Variants in NR2C2 observed in about 807,000 individuals in gnomAD.
NR2C2 encodes nuclear receptor subfamily 2 group C member 2.
A neutral mutation model predicts 62.9 loss-of-function variants in NR2C2; 6 were observed. The observed-to-expected ratio is 0.10, with a 90% CI of 0.05 to 0.19. NR2C2 has a LOEUF of 0.19. NR2C2 is among the 10% of genes least tolerant of loss of function. The pLI is 1.00. For synonymous variants in NR2C2, 272 were observed against 273.8 expected, an observed-to-expected ratio of 0.99 and a Z score of 0.07; for missense variants, 479 against 762.7, an observed-to-expected ratio of 0.63 and a Z score of 4.38.
rs575320807 is a variant in NR2C2, at chr3:15,045,683, A to C, written c.*2675A>C. On this transcript the variant is annotated 3_prime_UTR_variant, in exon 14 of 14. Transcript: ENST00000425241. ...GGTTAAGTAAAGTCAGCCCAAAGTC[A>C]AGAATTACTTAAAGAGATGCAAACC... is the stretch of plus-strand genomic sequence containing the variant. 8.5e-5 allele frequency: 13 copies of C among 152,810 alleles called. No homozygotes were observed. Among genetic ancestry groups the C allele is most frequent in the African/African-American group, 3.1e-4 (13 of 41,598 alleles). The allele number at this position is 152,810 out of a possible 1,614,324, so 9.5% of individuals were successfully genotyped here.
intron 1 of NR2C2, among the ~76,000 whole-genome samples, chr3:14,984,544 TAAAGA>T (rs146683307): frequency 6.6e-6 from 1 of 152,122 alleles, no homozygotes; most frequent in Non-Finnish European, 1.5e-5. Context: ...AATTTTCTAT[TAAAGA>T]AATCATGTGT....
chr3:14,998,634 T>A (rs1559554322), intron 1 of NR2C2, among the ~76,000 whole-genome samples: 1 of 152,254 alleles, frequency 6.6e-6, no homozygotes, highest in Non-Finnish European at 1.5e-5. Flanking sequence ...TAAGTTGTAA[T>A]GATATATGAT....
Position 15,024,217 on chromosome 3 carries a change from C to T in NR2C2, c.798+9C>T. The T allele has an allele frequency of 1.3e-6, 2 of 1,579,122 alleles. No homozygotes were observed. Among genetic ancestry groups the T allele is most frequent in the Admixed American group, 1.7e-5 (1 of 57,456 alleles). On this transcript the variant is annotated intron_variant, in intron 7 of 13. Coordinates refer to ENST00000425241, the MANE Select transcript of NR2C2 (RefSeq NM_001291694.2). ...TGGCCACGGATTCTAAGGTGACGTT[C>T]TCTACTCATGCTCTCTCTCATCCTT...
Position 15,031,819 on chromosome 3 carries a change from C to T in NR2C2, c.1111-560C>T, listed in dbSNP as rs184121187. ...TCTTGGTTCACCACAACCTCCACCT[C>T]CTGGGTTCAAGCAATTCTCCTGCCT... On this transcript the variant is annotated intron_variant, in intron 9 of 13. Coordinates refer to ENST00000425241, the MANE Select transcript of NR2C2 (RefSeq NM_001291694.2). Among the ~76,000 whole-genome samples, 672 of 152,132 alleles carry T rather than the reference C, an allele frequency of 4.4e-3. 1 individual carries two copies. Among genetic ancestry groups the T allele is most frequent in the African/African-American group, 0.015 (643 of 41,496 alleles).
chr3:15,039,918 A>C (rs888097827), intron 13 of NR2C2, among the ~76,000 whole-genome samples: 2 of 152,160 alleles, frequency 1.3e-5, no homozygotes, highest in African/African-American at 4.8e-5. Flanking sequence ...TGGGAGGCTG[A>C]GGCGGGTGGA....
chr3:14,986,112 G>A lies in NR2C2; in HGVS notation c.-39-17764G>A, dbSNP rs1226051284. Among the ~76,000 whole-genome samples, 5 of 151,924 alleles carry A rather than the reference G, an allele frequency of 3.3e-5. No homozygotes were observed. The South Asian group carries it at 6.2e-4, about 19-fold the overall frequency. Reference sequence around the variant, plus strand: ...AGACTCAGTGCCCCCTTTTTAAACAGTATTTTTTTAAAGACCCTTTTACTG... The same window carrying A: ...AGACTCAGTGCCCCCTTTTTAAACAATATTTTTTTAAAGACCCTTTTACTG... On this transcript the variant is annotated intron_variant, in intron 1 of 13. Coordinates refer to ENST00000425241, the MANE Select transcript of NR2C2 (RefSeq NM_001291694.2).
chr3:14,999,122 G>C (rs2040914144), intron 1 of NR2C2, among the ~76,000 whole-genome samples: 2 of 152,210 alleles, frequency 1.3e-5, no homozygotes, highest in Admixed American at 1.3e-4. Flanking sequence ...TTGGAGACCA[G>C]CCTGACCAAC....
intron 1 of NR2C2, among the ~76,000 whole-genome samples, chr3:14,994,889 T>G (rs1178706399): frequency 6.7e-6 from 1 of 149,534 alleles, no homozygotes; most frequent in East Asian, 2.1e-4. Context: ...CACTTCAGCC[T>G]GGGTGACAGA....
intron 1 of NR2C2, among the ~76,000 whole-genome samples, chr3:14,971,563 G>C (rs921526416): frequency 2.0e-5 from 3 of 151,622 alleles, no homozygotes; most frequent in African/African-American, 7.3e-5. Flanking sequence ...CTGCTATATT[G>C]TTTTCCACAG....
At chr3:15,002,367 A>G (rs1043890810) in intron 1 of NR2C2, among the ~76,000 whole-genome samples, 5 of 152,096 alleles carry the variant, frequency 3.3e-5, no homozygotes, top group Admixed American at 6.5e-5. Context: ...CTTTAATGCA[A>G]TGTATAGAAC....
At chr3:14,996,993 C>T (rs890010974) in intron 1 of NR2C2, among the ~76,000 whole-genome samples, 1 of 152,176 alleles carries the variant, frequency 6.6e-6, no homozygotes, top group Non-Finnish European at 1.5e-5. Flanking sequence ...AGGACCTGAG[C>T]CAAAATTTGG....
chr3:14,961,872 A>T (rs1295258167), intron 1 of NR2C2, among the ~76,000 whole-genome samples: 1 of 152,240 alleles, frequency 6.6e-6, no homozygotes, highest in African/African-American at 2.4e-5. Flanking sequence ...TTAGTAATGC[A>T]GTCTCTTCGC....
intron 5 of NR2C2, among the ~76,000 whole-genome samples, chr3:15,021,375 A>C (rs1302960794): frequency 6.6e-6 from 1 of 152,128 alleles, no homozygotes; most frequent in African/African-American, 2.4e-5. Context: ...TAGCCCCTCT[A>C]CTTTCTTTTG....
intron 2 of NR2C2, among the ~76,000 whole-genome samples, chr3:15,005,397 A>G (rs986757692): frequency 2.1e-5 from 3 of 140,352 alleles, no homozygotes; most frequent in Non-Finnish European, 4.6e-5. Flanking sequence ...TTTTTTTATA[A>G]ATAGGGATGG....
intron 7 of NR2C2, 76 bp downstream of exon 7, chr3:15,024,284 C>G (rs528516137): frequency 1.0e-6 from 1 of 976,770 alleles, no homozygotes; most frequent in African/African-American, 1.7e-5. Context: ...GTGTGCACCA[C>G]TTTCTTCCTG....
chr3:15,028,988 C>T (rs1395434523), intron 8 of NR2C2, among the ~76,000 whole-genome samples: 1 of 152,132 alleles, frequency 6.6e-6, no homozygotes, highest in Non-Finnish European at 1.5e-5. Context: ...AGGAGGAAAA[C>T]TCTAGTGGAC....
At chr3:14,964,516 T>C (rs919682692) in intron 1 of NR2C2, among the ~76,000 whole-genome samples, 1 of 151,642 alleles carries the variant, frequency 6.6e-6, no homozygotes, top group African/African-American at 2.4e-5. Context: ...TTTTATATTT[T>C]TTATTTTTTA....
At chr3:14,999,347 C>A (rs907315172) in intron 1 of NR2C2, among the ~76,000 whole-genome samples, 1 of 151,856 alleles carries the variant, frequency 6.6e-6, no homozygotes, top group African/African-American at 2.4e-5. Flanking sequence ...TAAATTGGCC[C>A]GGCATGGTAG....
intron 1 of NR2C2, among the ~76,000 whole-genome samples, chr3:14,996,272 T>G (rs538154495): frequency 3.9e-5 from 6 of 152,242 alleles, no homozygotes; most frequent in Non-Finnish European, 8.8e-5. Flanking sequence ...GCACCTGTGT[T>G]TTTTAATTTT....
Sources: allele counts gnomAD v4.1 joint callset (sites outside exome capture counted in the v4.1 genomes callset), GRCh38; gene constraint gnomAD v4.1.1; transcripts MANE v1.5; gene names NCBI Gene and HGNC (gene_info 2026-07-23, HGNC 2026-07-21).